The following ORC2 variants were observed in gnomAD, a reference collection of about 807,000 sequenced individuals.
The protein encoded by ORC2 is origin recognition complex subunit 2.
A neutral mutation model predicts 77.7 loss-of-function variants in ORC2; 37 were observed. The observed-to-expected ratio is 0.48, with a 90% CI of 0.37 to 0.63. The LOEUF is 0.63. Ranked by LOEUF, ORC2 falls within the 20% of genes least tolerant of loss-of-function variation. The pLI, the probability that ORC2 is intolerant of heterozygous loss-of-function variation, is 0.00. For missense variants in ORC2, 557 were observed against 661.9 expected (o/e 0.84, Z 1.74); for synonymous variants, 201 against 229.5 (o/e 0.88, Z 1.12).
In ORC2 at chr2:200,942,723, T is replaced by G. The variant is rs567873197; in HGVS notation, c.383A>C (p.Asp128Ala). 4.3e-6 allele frequency: 7 copies of G among 1,610,504 alleles called. No homozygotes were observed. The highest frequency in any genetic ancestry group is 5.9e-6 in the Non-Finnish European group (7 of 1,177,958). Residue 128 changes from aspartate (D) to alanine (A), a missense_variant, in exon 6 of 18, where the codon GAT (aspartate) becomes GCT (alanine). Physicochemically the swap from Asp to Ala is moderately radical, Grantham distance 126. Transcript: ENST00000234296. The part of the protein sequence containing the change: ...QKSVSFSLKN[D>A]PEITINVPQS... ...AGGAACGTTTATCGTAATCTCAGGA[T>G]CATTCTTCAAACTGAATGAAACACT...
chr2:200,925,830 T>G lies in ORC2; in HGVS notation c.1147+6A>C, dbSNP rs373121277. The G allele has an allele frequency of 2.8e-6, 4 of 1,429,158 alleles. No homozygotes were observed. 88.5% of individuals were successfully genotyped at this position (1,429,158 alleles called of 1,614,324 possible). On this transcript the variant is annotated splice_donor_region_variant and intron_variant, in intron 13 of 17. Transcript: ENST00000234296. ...CTAAAACTACCGAGCATCTACTTCA[T>G]GTTACCTTCTTTAAATTTGTTTACT...
intron 13 of ORC2, among the ~76,000 whole-genome samples, chr2:200,924,136 C>T (rs2040803826): frequency 6.6e-6 from 1 of 152,042 alleles, no homozygotes; most frequent in Non-Finnish European, 1.5e-5. Context: ...CCCTTGAGGC[C>T]TAGGAGTTTG....
intron 4 of ORC2, 151 bp from the exon 5 acceptor site, chr2:200,949,794 A>G (rs2041318425): frequency 4.4e-6 from 2 of 454,722 alleles, no homozygotes; most frequent in East Asian, 3.7e-5. Context: ...AATACATAGT[A>G]AAGAAAACAG....
At chr2:200,946,741 TCTC>T (rs2041255976) in intron 5 of ORC2, among the ~76,000 whole-genome samples, 1 of 152,124 alleles carries the variant, frequency 6.6e-6, no homozygotes, top group African/African-American at 2.4e-5. Flanking sequence ...CAATAATAAT[TCTC>T]CTCTTTCTCC....
chr2:200,957,926 C>A, intron 3 of ORC2, 104 bp downstream of exon 3: 1 of 712,154 alleles, frequency 1.4e-6, no homozygotes. Flanking sequence ...CCAGATCAAT[C>A]CTTTGCGCTA....
At chr2:200,930,460 AGCT>A (rs2040920439) in intron 11 of ORC2, among the ~76,000 whole-genome samples, 1 of 152,034 alleles carries the variant, frequency 6.6e-6, no homozygotes, top group Non-Finnish European at 1.5e-5. Context: ...TATTGAGAGA[AGCT>A]GAGGTTCTTG....
chr2:200,949,488 G>A, intron 5 of ORC2, 66 bp downstream of exon 5: 2 of 827,524 alleles, frequency 2.4e-6, no homozygotes, highest in Non-Finnish European at 4.1e-6. Flanking sequence ...ATAATCATGG[G>A]GAATGTGGTT....
Position 200,953,411 on chromosome 2 carries a change from GT to G in ORC2, c.239-3769del, listed in dbSNP as rs774446171. ...CCTCATATCCATTAAAAGGGCTACT[GT>G]TTTTTTTTTTTTTTAAAAAAGGAAA... On this transcript the variant is annotated intron_variant, in intron 4 of 17. Coordinates refer to ENST00000234296, the MANE Select transcript of ORC2 (RefSeq NM_006190.5). Among the ~76,000 whole-genome samples, 650 of 121,242 alleles carry G rather than the reference GT, an allele frequency of 5.4e-3. 2 individuals are homozygous for G. Among genetic ancestry groups the G allele is most frequent in the African/African-American group, 0.018 (431 of 24,212 alleles). The allele number at this position is 121,242 out of a possible 152,430, so 79.5% of individuals were successfully genotyped here.
chr2:200,940,222 T>C lies in ORC2; in HGVS notation c.453+1026A>G, dbSNP rs16836067. 1.9e-3 allele frequency among the ~76,000 whole-genome samples: 282 copies of C among 152,308 alleles called. 1 individual carries two copies. Among genetic ancestry groups the C allele is most frequent in the South Asian group, 5.4e-3 (26 of 4,820 alleles). On this transcript the variant is annotated intron_variant, in intron 7 of 17. Coordinates refer to ENST00000234296, the MANE Select transcript of ORC2 (RefSeq NM_006190.5). ...TATAGCATTCTTGCCCTCTTGACAA[T>C]TAAAGAGGGTTGCCTTTAATTATCT...
intron 5 of ORC2, 29 bp from the exon 6 acceptor site, chr2:200,942,806 T>C: frequency 1.4e-6 from 2 of 1,388,300 alleles, no homozygotes; most frequent in Non-Finnish European, 2.0e-6. Context: ...ATAAAAACCT[T>C]TTAAAGGACA....
In ORC2 at chr2:200,963,180, G is replaced by A. The variant is rs16836346; in HGVS notation, c.-60+310C>T. ...TGCACAAAAGGCCTATAACTGCGGG[G>A]CAGACTAACGAAAGGTCCTCCCAGA... On this transcript the variant is annotated intron_variant, in intron 1 of 17. Coordinates refer to ENST00000234296, the MANE Select transcript of ORC2 (RefSeq NM_006190.5). 2.7e-3 allele frequency: 952 copies of A among 346,920 alleles called. 1 individual carries two copies. The highest frequency in any genetic ancestry group is 4.5e-3 in the Admixed American group (94 of 20,944). 21.5% of individuals were successfully genotyped at this position (346,920 alleles called of 1,614,324 possible).
At chr2:200,935,283 T>C (rs16835953) in intron 9 of ORC2, among the ~76,000 whole-genome samples, 5,700 of 152,212 alleles carry the variant, frequency 0.037, 141 homozygotes, top group Middle Eastern at 0.088. Flanking sequence ...TCACCACACC[T>C]GGCTAATTTT....
intron 5 of ORC2, among the ~76,000 whole-genome samples, chr2:200,943,698 C>T (rs765302050): frequency 1.1e-4 from 17 of 152,122 alleles, no homozygotes; most frequent in Non-Finnish European, 2.2e-4. Flanking sequence ...CATTTTTATC[C>T]TCCAGTCTTG....
chr2:200,934,588 C>T (rs890931048), intron 9 of ORC2, among the ~76,000 whole-genome samples: 6 of 151,778 alleles, frequency 4.0e-5, no homozygotes, highest in African/African-American at 1.5e-4. Context: ...CTTGCCCTCC[C>T]AAAGTGTTGG....
At chr2:200,926,368 T>G (rs1017528745) in intron 12 of ORC2, among the ~76,000 whole-genome samples, 5 of 152,244 alleles carry the variant, frequency 3.3e-5, no homozygotes, top group Non-Finnish European at 1.5e-5. Context: ...AAAAATGATC[T>G]ATGATAAATG....
intron 7 of ORC2, among the ~76,000 whole-genome samples, chr2:200,938,566 C>A (rs982010263): frequency 2.0e-5 from 3 of 151,938 alleles, no homozygotes; most frequent in Non-Finnish European, 4.4e-5. Flanking sequence ...TACTTTAATA[C>A]CATAAATTGT....
chr2:200,959,707 T>C (rs1473074995), intron 1 of ORC2, among the ~76,000 whole-genome samples: 1 of 152,194 alleles, frequency 6.6e-6, no homozygotes, highest in Non-Finnish European at 1.5e-5. Flanking sequence ...CAGTTTTGAG[T>C]ACTCCATATG....
At chr2:200,923,891 T>C (rs915858121) in intron 13 of ORC2, among the ~76,000 whole-genome samples, 2 of 152,222 alleles carry the variant, frequency 1.3e-5, no homozygotes, top group Admixed American at 1.3e-4. Flanking sequence ...CATTGGGCAA[T>C]GCAAACTTTT....
chr2:200,942,430 G>C (rs1308370927), intron 6 of ORC2, among the ~76,000 whole-genome samples: 1 of 152,014 alleles, frequency 6.6e-6, no homozygotes, highest in Non-Finnish European at 1.5e-5. Flanking sequence ...CATGACAACA[G>C]GACTTAAAGA....
Sources: gnomAD v4.1 joint callset for allele counts (sites outside exome capture counted in the v4.1 genomes callset) on GRCh38, gnomAD v4.1.1 for gene constraint, MANE v1.5 for transcripts, NCBI Gene and HGNC (gene_info 2026-07-23, HGNC 2026-07-21) for gene names.